The following PCAT7 variants were observed in gnomAD, a reference collection of about 807,000 sequenced individuals.
PCAT7 encodes prostate cancer associated transcript 7 (non-protein coding).
chr9:94,562,451 T>C (rs1251638015), intron 2 of PCAT7, among the ~76,000 whole-genome samples: 1 of 152,096 alleles, frequency 6.6e-6, no homozygotes, highest in East Asian at 1.9e-4. Flanking sequence ...TGAATACACC[T>C]GGGCTAAGCA....
chr9:94,562,034 G>T (rs1198239495), intron 2 of PCAT7, among the ~76,000 whole-genome samples: 1 of 151,920 alleles, frequency 6.6e-6, no homozygotes, highest in East Asian at 1.9e-4. Context: ...TGTCTTCGCC[G>T]GGCGCTGTGA....
At chr9:94,566,144 ACTT>A (rs1827186056) in intron 2 of PCAT7, among the ~76,000 whole-genome samples, 1 of 152,098 alleles carries the variant, frequency 6.6e-6, no homozygotes, top group South Asian at 2.1e-4. Flanking sequence ...GCTCCTTTTG[ACTT>A]CTTTTTGTTT....
At chr9:94,559,293 C>T (rs1827058339) in intron 2 of PCAT7, 2 of 636,974 alleles carry the variant, frequency 3.1e-6, no homozygotes, top group South Asian at 2.1e-5. Context: ...TTAGAGCCTA[C>T]AGCAGGCCAG....
chr9:94,556,206 G>A (rs1295145474), intron 1 of PCAT7, among the ~76,000 whole-genome samples: 1 of 151,480 alleles, frequency 6.6e-6, no homozygotes, highest in Non-Finnish European at 1.5e-5. Context: ...GGAAAAGACG[G>A]GGGAAAATGT....
At chr9:94,563,764 C>T (rs1007505651) in intron 2 of PCAT7, among the ~76,000 whole-genome samples, 1 of 152,100 alleles carries the variant, frequency 6.6e-6, no homozygotes, top group African/African-American at 2.4e-5. Flanking sequence ...ATCCCACATG[C>T]AGTGCCACCT....
intron 2 of PCAT7, among the ~76,000 whole-genome samples, chr9:94,571,275 C>T (rs1203816493): frequency 6.6e-6 from 1 of 152,162 alleles, no homozygotes; most frequent in African/African-American, 2.4e-5. Context: ...CCCCGAGTGC[C>T]CTCACTGGGA....
At position 94,561,352 on chromosome 9, in the gene PCAT7, A is replaced by ATTTTTTTTTTTT. The variant is rs1174386595; in HGVS notation, n.441+2217_441+2228dup. Among the ~76,000 whole-genome samples, 44 of 54,990 alleles carry ATTTTTTTTTTTT rather than the reference A, an allele frequency of 8.0e-4. 10 individuals carry two copies. Among genetic ancestry groups the ATTTTTTTTTTTT allele is most frequent in the Non-Finnish European group, 9.8e-4 (32 of 32,754 alleles). The allele number at this position is 54,990 out of a possible 152,430, so 36.1% of individuals were successfully genotyped here. On this transcript the variant is annotated intron_variant and non_coding_transcript_variant, in intron 2 of 8. Coordinates refer to ENST00000647389, the Ensembl canonical transcript of PCAT7. ...GCAGGCCATGTGACATGTGACCTGT[A>ATTTTTTTTTTTT]TTTTTTTTTTTTTTTTTTTTTTTTT...
At chr9:94,573,412 C>T (rs996569649) in intron 3 of PCAT7, among the ~76,000 whole-genome samples, 2 of 152,100 alleles carry the variant, frequency 1.3e-5, no homozygotes, top group African/African-American at 4.8e-5. Flanking sequence ...GTATGCACTA[C>T]CACCCCCCTC....
At chr9:94,554,892 C>G (rs945894297), upstream of PCAT7, among the ~76,000 whole-genome samples, 1 of 152,250 alleles carries the variant, frequency 6.6e-6, no homozygotes, top group Admixed American at 6.5e-5. Context: ...CCAGAAATGA[C>G]GCGCCGCTGC....
intron 2 of PCAT7, chr9:94,570,391 A>G (rs1827254879): frequency 6.6e-6 from 1 of 152,166 alleles, no homozygotes; most frequent in African/African-American, 2.4e-5. Context: ...CACTCTCTCT[A>G]CGCCTCACTT....
intron 2 of PCAT7, among the ~76,000 whole-genome samples, chr9:94,566,468 CCCTT>C (rs1827191403): frequency 6.6e-6 from 1 of 152,272 alleles, no homozygotes; most frequent in Non-Finnish European, 1.5e-5. Flanking sequence ...TTTGGCCCAT[CCCTT>C]CCTTTCCCAT....
chr9:94,570,407 A>G (rs1054153189), intron 2 of PCAT7: 6 of 152,184 alleles, frequency 3.9e-5, no homozygotes, highest in Admixed American at 3.9e-4. Context: ...CACTTTCCCC[A>G]TCTGAAAATG....
At chr9:94,555,576 G>A (rs369110099) in intron 1 of PCAT7, among the ~76,000 whole-genome samples, 2 of 145,568 alleles carry the variant, frequency 1.4e-5, no homozygotes, top group African/African-American at 5.0e-5. Context: ...GAAGAGGAAA[G>A]AGTGGTGAGG....
intron 2 of PCAT7, chr9:94,569,440 A>T (rs747358735): frequency 6.6e-6 from 1 of 152,198 alleles, no homozygotes; most frequent in Non-Finnish European, 1.5e-5. Flanking sequence ...GAGATGCACA[A>T]CTGTCATCTG....
At chr9:94,563,493 AG>A (rs751308820) in intron 2 of PCAT7, 3 of 1,603,700 alleles carry the variant, frequency 1.9e-6, no homozygotes, top group Non-Finnish European at 2.6e-6. Context: ...GACAAGATCC[AG>A]TGGCTTTCAG....
chr9:94,565,323 T>C (rs141602699), intron 2 of PCAT7, among the ~76,000 whole-genome samples: 291 of 132,938 alleles, frequency 2.2e-3, no homozygotes, highest in African/African-American at 8.6e-3. Flanking sequence ...TGCAGTGAGC[T>C]AAGATCGTGC....
chr9:94,571,465 G>C (rs749748809), intron 2 of PCAT7: 2 of 1,610,592 alleles, frequency 1.2e-6, no homozygotes, highest in Non-Finnish European at 1.7e-6. Context: ...TACCTACCGG[G>C]TCAAGCATGA....
At chr9:94,563,212 T>C in intron 2 of PCAT7, 1 of 1,054,536 alleles carries the variant, frequency 9.5e-7, no homozygotes, top group Non-Finnish European at 1.3e-6. Context: ...CAGAGTTCAT[T>C]TTTCCTCCCC....
At chr9:94,567,381 T>C in intron 2 of PCAT7, 1 of 1,614,136 alleles carries the variant, frequency 6.2e-7, no homozygotes, top group Non-Finnish European at 8.5e-7. Context: ...TGACATCTTT[T>C]TCCACCAGGA....
Sources: allele counts gnomAD v4.1 joint callset (sites outside exome capture counted in the v4.1 genomes callset), GRCh38; gene constraint gnomAD v4.1.1; transcripts MANE v1.5; gene names NCBI Gene and HGNC (gene_info 2026-07-23, HGNC 2026-07-21).